The following CACNA2D3 variants were observed in gnomAD, a reference collection of about 807,000 sequenced individuals.
CACNA2D3 encodes voltage-dependent calcium channel subunit alpha-2/delta-3.
CACNA2D3 carries 60 observed loss-of-function variants against 160.6 expected under a neutral mutation model. The ratio of observed to expected loss-of-function variants is 0.37; its 90% confidence interval spans 0.30 to 0.46. The LOEUF is 0.46. Ranked by LOEUF, CACNA2D3 falls within the 20% of genes least tolerant of loss-of-function variation. CACNA2D3 has a pLI of 1.00. For missense variants in CACNA2D3, 1,205 were observed against 1,365.0 expected, an observed-to-expected ratio of 0.88 and a Z score of 1.85; for synonymous variants, 558 against 492.9, an observed-to-expected ratio of 1.13 and a Z score of -1.75.
chr3:54,287,839 C>T lies in CACNA2D3; in HGVS notation c.205-32603C>T, dbSNP rs1431659866. 1.1e-4 allele frequency among the ~76,000 whole-genome samples: 16 copies of T among 149,844 alleles called. 1 individual carries two copies. Among genetic ancestry groups the T allele is most frequent in the East Asian group, 9.9e-4 (5 of 5,060 alleles). ...TCCTGAATGACTACTGGGTACAGAA[C>T]GAAATGAAGGCAGAAATAAAGATGT... On this transcript the variant is annotated intron_variant, in intron 2 of 37. Coordinates refer to ENST00000474759, the MANE Select transcript of CACNA2D3 (RefSeq NM_018398.3).
At chr3:54,630,433 C>A (rs545550483) in intron 10 of CACNA2D3, among the ~76,000 whole-genome samples, 3 of 152,230 alleles carry the variant, frequency 2.0e-5, no homozygotes, top group Non-Finnish European at 1.5e-5. Context: ...AGTTTAATGC[C>A]GGCCTGCCAA....
chr3:54,302,921 GC>G (rs1703512320), intron 2 of CACNA2D3, among the ~76,000 whole-genome samples: 2 of 151,926 alleles, frequency 1.3e-5, no homozygotes, highest in South Asian at 4.1e-4. Flanking sequence ...TCTTCATGCT[GC>G]TTTTACTCCA....
chr3:55,042,294 G>A (rs1703974133), intron 35 of CACNA2D3, among the ~76,000 whole-genome samples: 1 of 152,050 alleles, frequency 6.6e-6, no homozygotes, highest in African/African-American at 2.4e-5. Flanking sequence ...CCTTTAGTCT[G>A]TAAATTTTTG....
chr3:54,188,228 A>AAAACAAAC (rs138439909), intron 2 of CACNA2D3, among the ~76,000 whole-genome samples: 3,339 of 150,302 alleles, frequency 0.022, 52 homozygotes, highest in East Asian at 0.033. Context: ...GGAGAACTTA[A>AAAACAAAC]AAACAAACAA....
At chr3:54,835,374 G>A (rs1363681375) in intron 14 of CACNA2D3, among the ~76,000 whole-genome samples, 1 of 152,176 alleles carries the variant, frequency 6.6e-6, no homozygotes, top group Non-Finnish European at 1.5e-5. Flanking sequence ...TTCACATTCA[G>A]AGTGTTTGGA....
At chr3:54,523,176 A>G (rs1302994379) in intron 5 of CACNA2D3, among the ~76,000 whole-genome samples, 1 of 152,106 alleles carries the variant, frequency 6.6e-6, no homozygotes, top group East Asian at 1.9e-4. Context: ...TATTATTACT[A>G]TTTTGGAGAT....
rs1319921122 is a variant in CACNA2D3 at position 54,878,878 on chromosome 3, TG to T, written c.1711-137del. The T allele has an allele frequency of 5.6e-6, 3 of 536,292 alleles. No homozygotes were observed. In the African/African-American group the frequency reaches 5.9e-5, roughly 11 times the overall value. 33.2% of individuals were successfully genotyped at this position (536,292 alleles called of 1,614,324 possible). On this transcript the variant is annotated intron_variant, in intron 18 of 37. Transcript: ENST00000474759. ...CTGTCTCCCATTGTACATGAGCAGT[TG>T]GGTGTTTTATTCTTCAGAAGCTCTG...
intron 2 of CACNA2D3, among the ~76,000 whole-genome samples, chr3:54,169,565 A>G (rs1700521597): frequency 6.6e-6 from 1 of 152,254 alleles, no homozygotes; most frequent in South Asian, 2.1e-4. Context: ...CAGAAAATAA[A>G]TAAATAAATA....
Position 54,891,464 on chromosome 3 carries a change from A to T in CACNA2D3, c.2246+14A>T, listed in dbSNP as rs1419753300. On this transcript the variant is annotated intron_variant, in intron 25 of 37. Transcript: ENST00000474759. ...GCTCACCAATCAGTAAGTAGGAGGG[A>T]TCCTCTACAGGGGCCCAGGGAGCTT... 1 of 1,592,816 alleles carries T rather than the reference A, an allele frequency of 6.3e-7. No homozygotes were observed. The highest frequency in any genetic ancestry group is 1.1e-5 in the South Asian group (1 of 90,580).
chr3:55,074,223 C>A lies in CACNA2D3; in HGVS notation c.*17C>A. On this transcript the variant is annotated 3_prime_UTR_variant, in exon 38 of 38. Coordinates refer to ENST00000474759, the MANE Select transcript of CACNA2D3 (RefSeq NM_018398.3). ...TCAAGGTGACACTGACTGAGATGTT[C>A]TCTTACTGACTGAGATGTTCTCTTG... The A allele has an allele frequency of 9.9e-7, 1 of 1,005,950 alleles. No individual in the cohort carries two copies. The highest frequency in any genetic ancestry group is 1.4e-6 in the Non-Finnish European group (1 of 697,196). The allele number at this position is 1,005,950 out of a possible 1,614,324, so 62.3% of individuals were successfully genotyped here.
At chr3:54,616,544 G>A (rs924020529) in intron 9 of CACNA2D3, among the ~76,000 whole-genome samples, 2 of 152,172 alleles carry the variant, frequency 1.3e-5, no homozygotes, top group Admixed American at 1.3e-4. Flanking sequence ...CTGGTGTAAT[G>A]TAAGAGGGCC....
chr3:54,811,277 C>G (rs900799786), intron 13 of CACNA2D3, among the ~76,000 whole-genome samples: 4 of 152,050 alleles, frequency 2.6e-5, no homozygotes, highest in Non-Finnish European at 4.4e-5. Context: ...GTATGCCTCT[C>G]CCATAGTCAT....
intron 35 of CACNA2D3, among the ~76,000 whole-genome samples, chr3:55,028,413 C>A (rs940811431): frequency 6.6e-6 from 1 of 152,284 alleles, no homozygotes; most frequent in South Asian, 2.1e-4. Context: ...CAATACCCCA[C>A]TGATTATTAA....
intron 35 of CACNA2D3, among the ~76,000 whole-genome samples, chr3:55,067,496 G>T (rs922164583): frequency 7.2e-5 from 11 of 152,128 alleles, no homozygotes; most frequent in Non-Finnish European, 1.6e-4. Context: ...TTGAGTTTCA[G>T]TTTTCTCTTT....
At chr3:54,368,513 GGAGAGAGAGTGAGTGAGCACAGAACA>G (rs1325415000) in intron 3 of CACNA2D3, among the ~76,000 whole-genome samples, 1 of 151,868 alleles carries the variant, frequency 6.6e-6, no homozygotes, top group African/African-American at 2.4e-5. Context: ...ACGGAAAGGA[GGAGAGAGAGTGAGTGAGCACAGAACA>G]GAGACAGAGA....
At chr3:55,002,653 T>C (rs1703008565) in intron 31 of CACNA2D3, among the ~76,000 whole-genome samples, 1 of 152,178 alleles carries the variant, frequency 6.6e-6, no homozygotes, top group Admixed American at 6.5e-5. Context: ...CCTGCATCTG[T>C]GTAAGGAAAA....
intron 2 of CACNA2D3, among the ~76,000 whole-genome samples, chr3:54,211,046 C>G (rs13095436): frequency 0.34 from 52,139 of 152,064 alleles, 10,107 homozygotes; most frequent in Non-Finnish European, 0.43. Flanking sequence ...AAGCTCATCT[C>G]TCACCTCTTT....
chr3:54,782,104 A>G (rs1483417199), intron 13 of CACNA2D3, among the ~76,000 whole-genome samples: 1 of 152,196 alleles, frequency 6.6e-6, no homozygotes, highest in Non-Finnish European at 1.5e-5. Flanking sequence ...AATTGAGAAA[A>G]TTTTTGGTGT....
At chr3:54,684,754 T>G (rs1700418957) in intron 11 of CACNA2D3, among the ~76,000 whole-genome samples, 1 of 44,452 alleles carries the variant, frequency 2.2e-5, no homozygotes, top group South Asian at 8.6e-4. Context: ...GTTTGTCATG[T>G]TAAAAAAAAA....
Sources: gnomAD v4.1 joint callset for allele counts (sites outside exome capture counted in the v4.1 genomes callset) on GRCh38, gnomAD v4.1.1 for gene constraint, MANE v1.5 for transcripts, NCBI Gene and HGNC (gene_info 2026-07-23, HGNC 2026-07-21) for gene names.